Variants in CEP85L observed in about 807,000 individuals in gnomAD.
CEP85L encodes the protein centrosomal protein of 85 kDa-like.
A neutral mutation model predicts 100.3 loss-of-function variants in CEP85L; 60 were observed. That is an observed-to-expected ratio of 0.60 (90% CI 0.49 to 0.74). CEP85L has a LOEUF of 0.74. Among genes scored for constraint, CEP85L ranks in the 30% least tolerant of loss-of-function variants. The pLI is 0.00. For missense variants in CEP85L, 973 were observed against 936.2 expected (o/e 1.04, Z -0.51); for synonymous variants, 319 against 322.7 (o/e 0.99, Z 0.12).
Position 118,643,941 on chromosome 6 carries a change from T to A in CEP85L, c.73+7256A>T, listed in dbSNP as rs143396141. On this transcript the variant is annotated intron_variant, in intron 1 of 12. Coordinates refer to ENST00000368491, the MANE Select transcript of CEP85L (RefSeq NM_001042475.3). Reference sequence around the variant, plus strand: ...AAACCCTTCAGTCCTAGGCAACCTATGACACACAACCCCTAGTTTTAAAAC... The same window carrying A: ...AAACCCTTCAGTCCTAGGCAACCTAAGACACACAACCCCTAGTTTTAAAAC... 3.3e-3 allele frequency among the ~76,000 whole-genome samples: 510 copies of A among 152,302 alleles called. 4 individuals are homozygous for A. The highest frequency in any genetic ancestry group is 0.012 in the African/African-American group (493 of 41,560).
At chr6:118,516,680 C>A (rs1193690387) in intron 4 of CEP85L, among the ~76,000 whole-genome samples, 2 of 152,096 alleles carry the variant, frequency 1.3e-5, no homozygotes, top group Non-Finnish European at 2.9e-5. Flanking sequence ...CAAAAATGTT[C>A]TCCCATTCTG....
rs1562297733 is a variant in CEP85L at position 118,600,300 on chromosome 6, G to GGGGGGTGTGTGTGTGTGTGTGTGTGTGT, written c.232+32152_232+32153insACACACACACACACACACACACACCCCC. The stretch of plus-strand genomic sequence containing the variant: ...CTGCCTGTCCCTGAGCCTTCCTGGG[G>GGGGGGTGTGTGTGTGTGTGTGTGTGTGT]GTGTGTGTGTGTGTGTGTGTGTGTG... On this transcript the variant is annotated intron_variant, in intron 2 of 12. Coordinates refer to ENST00000368491, the MANE Select transcript of CEP85L (RefSeq NM_001042475.3). Among the ~76,000 whole-genome samples, 2 of 52,236 alleles carry GGGGGGTGTGTGTGTGTGTGTGTGTGTGT rather than the reference G, an allele frequency of 3.8e-5. 1 individual carries two copies. The allele number at this position is 52,236 out of a possible 152,430, so 34.3% of individuals were successfully genotyped here.
At chr6:118,533,867 G>C (rs561366583) in intron 3 of CEP85L, among the ~76,000 whole-genome samples, 3 of 152,150 alleles carry the variant, frequency 2.0e-5, no homozygotes, top group African/African-American at 7.2e-5. Flanking sequence ...GGCCGAGGCA[G>C]GTGGATCTCT....
At chr6:118,679,069 T>G (rs3902035) in intron 1 of CEP85L, among the ~76,000 whole-genome samples, 1 of 152,194 alleles carries the variant, frequency 6.6e-6, no homozygotes, top group Admixed American at 6.5e-5. Context: ...AGAATGCCTT[T>G]GACTTAGTCA....
intron 3 of CEP85L, among the ~76,000 whole-genome samples, chr6:118,545,964 T>G (rs1284906274): frequency 6.6e-6 from 1 of 152,130 alleles, no homozygotes; most frequent in Non-Finnish European, 1.5e-5. Context: ...AACTATAGTG[T>G]AACTCCAAAT....
Position 118,490,762 on chromosome 6 carries a change from T to C in CEP85L, c.1437+924A>G, listed in dbSNP as rs1271671622. 4.6e-5 allele frequency among the ~76,000 whole-genome samples: 7 copies of C among 152,142 alleles called. No homozygotes were observed. In the East Asian group the frequency reaches 9.7e-4, roughly 21 times the overall value. On this transcript the variant is annotated intron_variant, in intron 6 of 12. Transcript: ENST00000368491. Reference sequence around the variant, plus strand: ...TATAATGAAAAACACTACTCAGCAATAGATAGAAACTGATACATGTAGCTA... The same window carrying C: ...TATAATGAAAAACACTACTCAGCAACAGATAGAAACTGATACATGTAGCTA...
At chr6:118,564,124 T>TACC (rs139303194) in intron 3 of CEP85L, among the ~76,000 whole-genome samples, 20,447 of 151,498 alleles carry the variant, frequency 0.13, 1,768 homozygotes, top group Non-Finnish European at 0.19. Context: ...CCAACCTCCC[T>TACC]ACCCTCCTCT....
Position 118,597,986 on chromosome 6 carries a change from A to C in CEP85L, c.233-31670T>G, listed in dbSNP as rs74996978. ...AAGAAGATTATTGAGTTTTGAAGCC[A>C]AAGCTTCAAAAAATAAAAGAGTTTG... On this transcript the variant is annotated intron_variant, in intron 2 of 12. Transcript: ENST00000368491. Among the ~76,000 whole-genome samples, 35 of 152,362 alleles carry C rather than the reference A, an allele frequency of 2.3e-4. 1 individual carries two copies. The East Asian group carries it at 6.4e-3, about 28-fold the overall frequency.
At chr6:118,656,713 A>C (rs1775804879), upstream of CEP85L, 1 of 152,222 alleles carries the variant, frequency 6.6e-6, no homozygotes, top group Non-Finnish European at 1.5e-5. Context: ...TGTAAAGATC[A>C]AATCAGTGTT....
chr6:118,707,159 T>A (rs1454920300), intron 1 of CEP85L, among the ~76,000 whole-genome samples: 1 of 150,790 alleles, frequency 6.6e-6, no homozygotes, highest in Non-Finnish European at 1.5e-5. Context: ...GCAGTCCTCC[T>A]GGGTTTCCTT....
chr6:118,644,728 A>G (rs755788346), intron 1 of CEP85L, among the ~76,000 whole-genome samples: 13 of 152,102 alleles, frequency 8.5e-5, no homozygotes, highest in Non-Finnish European at 1.8e-4. Flanking sequence ...AATCCTTAAG[A>G]TTTCTCATGT....
chr6:118,498,843 C>A (rs934587250), intron 5 of CEP85L, among the ~76,000 whole-genome samples: 1 of 152,146 alleles, frequency 6.6e-6, no homozygotes, highest in Non-Finnish European at 1.5e-5. Context: ...GGAACATTCA[C>A]CAAAGCGGAC....
In CEP85L at chr6:118,674,785, G is replaced by T. The variant is rs533036781; in HGVS notation, c.-27-21977C>A. Among the ~76,000 whole-genome samples, 22 of 152,254 alleles carry T rather than the reference G, an allele frequency of 1.4e-4. 1 individual carries two copies. In the South Asian group the frequency reaches 4.6e-3, roughly 32 times the overall value. On this transcript the variant is annotated intron_variant, in intron 1 of 13. Transcript: ENST00000368488. Reference sequence around the variant, plus strand: ...ACACCATGTCACATCCTGTAGAAAGGCTATCATTTTTAAAAAAGACATAAA... The same window carrying T: ...ACACCATGTCACATCCTGTAGAAAGTCTATCATTTTTAAAAAAGACATAAA...
intron 1 of CEP85L, among the ~76,000 whole-genome samples, chr6:118,670,606 A>G (rs77433698): frequency 0.029 from 4,432 of 151,784 alleles, 103 homozygotes; most frequent in African/African-American, 0.057. Flanking sequence ...TGCTTCTGTA[A>G]TCTCCTGGCT....
intron 3 of CEP85L, among the ~76,000 whole-genome samples, chr6:118,529,369 A>C (rs1777151409): frequency 6.6e-6 from 1 of 152,090 alleles, no homozygotes; most frequent in Non-Finnish European, 1.5e-5. Flanking sequence ...GCACTTTGGG[A>C]GGCCAAGGTG....
At chr6:118,515,228 A>C (rs2114736895) in intron 4 of CEP85L, among the ~76,000 whole-genome samples, 2 of 152,314 alleles carry the variant, frequency 1.3e-5, no homozygotes, top group East Asian at 3.9e-4. Flanking sequence ...GTGTCTAAAT[A>C]CATGAAGCAA....
At chr6:118,495,266 G>A (rs1774844289) in intron 5 of CEP85L, among the ~76,000 whole-genome samples, 1 of 152,146 alleles carries the variant, frequency 6.6e-6, no homozygotes, top group Non-Finnish European at 1.5e-5. Context: ...GTGAGAACAT[G>A]AAATTTGGGA....
intron 4 of CEP85L, among the ~76,000 whole-genome samples, chr6:118,520,283 G>A (rs1776581359): frequency 6.6e-6 from 1 of 152,118 alleles, no homozygotes; most frequent in Non-Finnish European, 1.5e-5. Context: ...CAGACAACAT[G>A]ATCGTTTATG....
intron 1 of CEP85L, among the ~76,000 whole-genome samples, chr6:118,643,147 T>A (rs1056052423): frequency 1.3e-5 from 2 of 152,190 alleles, no homozygotes; most frequent in Non-Finnish European, 2.9e-5. Flanking sequence ...TCTTAAAATA[T>A]TACAAAATAA....
Sources: gnomAD v4.1 joint callset for allele counts (sites outside exome capture counted in the v4.1 genomes callset) on GRCh38, gnomAD v4.1.1 for gene constraint, MANE v1.5 for transcripts, NCBI Gene and HGNC (gene_info 2026-07-23, HGNC 2026-07-21) for gene names.